KLK9: variants seen among roughly 807,000 people sequenced by gnomAD.
The protein encoded by KLK9 is kallikrein-9.
A neutral mutation model predicts 23.3 loss-of-function variants in KLK9; 26 were observed. That is an observed-to-expected ratio of 1.12 (90% CI 0.82 to 1.55). KLK9 has a LOEUF of 1.55. Among genes scored for constraint, KLK9 ranks in the 40% most tolerant of loss-of-function variants. The pLI is 0.00. For synonymous variants in KLK9, 122 were observed against 128.5 expected, an observed-to-expected ratio of 0.95 and a Z score of 0.34; for missense variants, 346 against 333.7, an observed-to-expected ratio of 1.04 and a Z score of -0.29.
intron 2 of KLK9, among the ~76,000 whole-genome samples, chr19:51,008,278 C>T (rs576415094): frequency 3.2e-4 from 42 of 131,298 alleles, no homozygotes; most frequent in African/African-American, 1.2e-3. Flanking sequence ...GCAGAGGTTG[C>T]AGTGAGCTGA....
intron 3 of KLK9, among the ~76,000 whole-genome samples, chr19:51,005,926 A>C (rs2122361141): frequency 6.7e-6 from 1 of 149,296 alleles, no homozygotes; most frequent in East Asian, 1.9e-4. Context: ...AAAAATACAA[A>C]AAAAAAGATA....
intron 3 of KLK9, among the ~76,000 whole-genome samples, chr19:51,005,435 A>G (rs912076546): frequency 3.9e-5 from 6 of 152,164 alleles, no homozygotes; most frequent in South Asian, 2.1e-4. Context: ...AGGTCCCATC[A>G]TGGAGCAATG....
chr19:51,003,318 C>A, intron 4 of KLK9, 58 bp from the exon 5 acceptor site: 1 of 1,524,236 alleles, frequency 6.6e-7, no homozygotes. Context: ...GACAATTACA[C>A]GGGCCACTTC....
Position 51,003,226 on chromosome 19 carries a change from G to T in KLK9, c.638C>A (p.Thr213Asn), listed in dbSNP as rs2091241892. The part of the protein sequence containing the change: ...DSGGPLVCNG[T>N]LAGVVSGGAE... ...ACCCCCAGACACCACGCCTGCCAAGGTTCCATTGCAAACCAGGGGGCCCCC... is the reference window on the plus strand; with the variant it reads ...ACCCCCAGACACCACGCCTGCCAAGTTTCCATTGCAAACCAGGGGGCCCCC... The change falls in exon 5 of 5, where the codon ACC (threonine) becomes AAC (asparagine). Residue 213 changes from threonine (T) to asparagine (N), a missense_variant. Coordinates refer to ENST00000594211, the MANE Select transcript of KLK9 (RefSeq NM_012315.2). 6.2e-7 allele frequency: 1 copy of T among 1,612,976 alleles called. No homozygotes were observed. Among genetic ancestry groups the T allele is most frequent in the South Asian group, 1.1e-5 (1 of 90,876 alleles).
chr19:51,006,859 T>C lies in KLK9; in HGVS notation c.201-136A>G, dbSNP rs1465129099. On this transcript the variant is annotated intron_variant, in intron 2 of 4. Coordinates refer to ENST00000594211, the MANE Select transcript of KLK9 (RefSeq NM_012315.2). The surrounding 1 kb of genome is among the most constrained non-coding windows in gnomAD (Gnocchi z 4.1). ...ACCCTCTCTGCACCCTCATCATCTATGTCTGGCCCAGGGTACTGTGATTTT... is the reference window on the plus strand; with the variant it reads ...ACCCTCTCTGCACCCTCATCATCTACGTCTGGCCCAGGGTACTGTGATTTT... 4.2e-6 allele frequency: 4 copies of C among 958,316 alleles called. No homozygotes were observed. The highest frequency in any genetic ancestry group is 4.5e-6 in the Non-Finnish European group (3 of 665,026). The allele number at this position is 958,316 out of a possible 1,614,324, so 59.4% of individuals were successfully genotyped here.
rs2091254693 is a variant in KLK9 at position 51,006,136 on chromosome 19, A to ACAAG, written c.466+321_466+322insCTTG. 6.6e-6 allele frequency among the ~76,000 whole-genome samples: 1 copy of ACAAG among 151,236 alleles called. No homozygotes were observed. The highest frequency in any genetic ancestry group is 1.5e-5 in the Non-Finnish European group (1 of 67,756). ...GAGACCCTGTCTCAAAAACAAACAA[A>ACAAG]CAAACAAACAAACAAACACTCTGAA... is the stretch of plus-strand genomic sequence containing the variant. On this transcript the variant is annotated intron_variant, in intron 3 of 4. Coordinates refer to ENST00000594211, the MANE Select transcript of KLK9 (RefSeq NM_012315.2). The surrounding 1 kb of genome is among the most constrained non-coding windows in gnomAD (Gnocchi z 4.1).
chr19:51,006,762 G>A lies in KLK9; in HGVS notation c.201-39C>T. 17 of 1,522,874 alleles carry A rather than the reference G, an allele frequency of 1.1e-5. No individual in the cohort carries two copies. The highest frequency in any genetic ancestry group is 4.6e-5 in the East Asian group (2 of 43,872). The allele number at this position is 1,522,874 out of a possible 1,614,324, so 94.3% of individuals were successfully genotyped here. A position where few individuals can be genotyped will look rare whatever the true frequency, so the allele number is the denominator to read the frequency against. ...CCTCAGAGGTCAAGCTGGGGGAAAGGTAAAAGTCCTTTCAGCCCCAGCCCT... is the reference window on the plus strand; with the variant it reads ...CCTCAGAGGTCAAGCTGGGGGAAAGATAAAAGTCCTTTCAGCCCCAGCCCT... On this transcript the variant is annotated intron_variant, in intron 2 of 4. Coordinates refer to ENST00000594211, the MANE Select transcript of KLK9 (RefSeq NM_012315.2). The surrounding 1 kb of genome is among the most constrained non-coding windows in gnomAD (Gnocchi z 4.1).
chr19:51,007,238 T>C (rs2091259328), intron 2 of KLK9, among the ~76,000 whole-genome samples: 1 of 151,882 alleles, frequency 6.6e-6, no homozygotes, highest in South Asian at 2.1e-4. Context: ...GGCCTCAGCT[T>C]TTCCTGTCTA....
Position 51,009,206 on chromosome 19 carries a change from G to A in KLK9, c.177C>T (p.Leu59=), listed in dbSNP as rs2091266799. 4 of 1,608,900 alleles carry A rather than the reference G, an allele frequency of 2.5e-6. No individual in the cohort carries two copies. The highest frequency in any genetic ancestry group is 3.4e-6 in the Non-Finnish European group (4 of 1,178,976). The part of the protein sequence containing the change: ...GATLISDRWL[L]TAAHCRKPYL... ...ACGGCTTGCGGCAGTGGGCAGCTGTGAGCAGCCAGCGGTCACTGATGAGGG... is the reference window on the plus strand; with the variant it reads ...ACGGCTTGCGGCAGTGGGCAGCTGTAAGCAGCCAGCGGTCACTGATGAGGG... The change falls in exon 2 of 5, where the codon CTC becomes CTT. Residue 59 remains leucine (L), a synonymous_variant. Coordinates refer to ENST00000594211, the MANE Select transcript of KLK9 (RefSeq NM_012315.2). This position sits in a 1 kb window ranked among gnomAD's most constrained non-coding sequence, Gnocchi z 4.8.
At chr19:51,003,399 T>A (rs2091243016) in intron 4 of KLK9, 139 bp from the exon 5 acceptor site, 6 of 968,918 alleles carry the variant, frequency 6.2e-6, no homozygotes, top group Non-Finnish European at 8.9e-6. Flanking sequence ...AGCCTCTTCT[T>A]CCTCAGACCC....
intron 2 of KLK9, among the ~76,000 whole-genome samples, chr19:51,007,609 T>A (rs2091260689): frequency 6.6e-6 from 1 of 151,878 alleles, no homozygotes; most frequent in African/African-American, 2.4e-5. Flanking sequence ...CACTTTCGGC[T>A]GAAATCTGAA....
At chr19:51,008,358 A>AG (rs1336481659) in intron 2 of KLK9, among the ~76,000 whole-genome samples, 50 of 148,940 alleles carry the variant, frequency 3.4e-4, no homozygotes, top group African/African-American at 1.2e-3. Flanking sequence ...AAAAAAAAAA[A>AG]AAAGAAAGAC....
rs1208928805 is a variant in KLK9, at chr19:51,006,349, AGACT to A, written c.466+105_466+108del. 1.8e-5 allele frequency: 19 copies of A among 1,079,688 alleles called. No individual in the cohort carries two copies. The South Asian group carries it at 2.4e-4, about 14-fold the overall frequency. 66.9% of individuals were successfully genotyped at this position (1,079,688 alleles called of 1,614,324 possible). On this transcript the variant is annotated intron_variant, in intron 3 of 4. Coordinates refer to ENST00000594211, the MANE Select transcript of KLK9 (RefSeq NM_012315.2). This position sits in a 1 kb window ranked among gnomAD's most constrained non-coding sequence, Gnocchi z 4.1. Reference sequence around the variant, plus strand: ...TAAATATATCGATTGGCAGATAGATAGACTGACAGAGAGAGAGAGGAGAGAGAAA... The same window carrying A: ...TAAATATATCGATTGGCAGATAGATAGACAGAGAGAGAGAGGAGAGAGAAA...
chr19:51,003,058 C>A lies in KLK9; in HGVS notation c.*53G>T. The A allele has an allele frequency of 6.4e-7, 1 of 1,566,366 alleles. No individual in the cohort carries two copies. The highest frequency in any genetic ancestry group is 1.2e-5 in the South Asian group (1 of 83,470). On this transcript the variant is annotated 3_prime_UTR_variant, in exon 5 of 5. Transcript: ENST00000594211. ...TGGGACCCTACGAGAACCCCCTACCCCGTGCCCTTCGGCCTCTCTTGGTCT... is the reference window on the plus strand; with the variant it reads ...TGGGACCCTACGAGAACCCCCTACCACGTGCCCTTCGGCCTCTCTTGGTCT...
At chr19:51,007,770 T>C (rs151235460) in intron 2 of KLK9, among the ~76,000 whole-genome samples, 156 of 152,186 alleles carry the variant, frequency 1.0e-3, no homozygotes, top group Non-Finnish European at 1.7e-3. Flanking sequence ...GGATGGTCAC[T>C]TTTCAGAGGC....
Position 51,006,040 on chromosome 19 carries a change from C to G in KLK9, c.466+418G>C, listed in dbSNP as rs918596464. Among the ~76,000 whole-genome samples the G allele has an allele frequency of 6.6e-6, 1 of 151,764 alleles. No homozygotes were observed. Among genetic ancestry groups the G allele is most frequent in the Non-Finnish European group, 1.5e-5 (1 of 67,890 alleles). On this transcript the variant is annotated intron_variant, in intron 3 of 4. Transcript: ENST00000594211. The surrounding 1 kb of genome is among the most constrained non-coding windows in gnomAD (Gnocchi z 4.1). The stretch of plus-strand genomic sequence containing the variant: ...TTGGGAGGTTGAGGCGAGAGGATCA[C>G]TTGAGCCCAGGAGTTCAAAGCTGCA...
intron 3 of KLK9, among the ~76,000 whole-genome samples, chr19:51,005,231 G>C (rs2091251230): frequency 6.6e-6 from 1 of 152,194 alleles, no homozygotes; most frequent in South Asian, 2.1e-4. Flanking sequence ...GTGACTCTGA[G>C]AGACATGGTC....
At chr19:51,007,886 T>G (rs2091261626) in intron 2 of KLK9, among the ~76,000 whole-genome samples, 1 of 152,152 alleles carries the variant, frequency 6.6e-6, no homozygotes, top group African/African-American at 2.4e-5. Context: ...TATCCATGAT[T>G]CTAGAATCTA....
intron 4 of KLK9, 111 bp from the exon 5 acceptor site, chr19:51,003,371 C>T (rs2091242812): frequency 3.4e-6 from 4 of 1,170,746 alleles, no homozygotes; most frequent in Admixed American, 5.4e-5. Context: ...CTCCAACATC[C>T]GAGAGTCCTC....
Sources: gnomAD v4.1 joint callset for allele counts (sites outside exome capture counted in the v4.1 genomes callset) on GRCh38, gnomAD v4.1.1 for gene constraint, Gnocchi (gnomAD v3.1) non-coding constraint, MANE v1.5 for transcripts, NCBI Gene and HGNC (gene_info 2026-07-23, HGNC 2026-07-21) for gene names.